The following NT5C2 variants were observed in gnomAD, a reference collection of about 807,000 sequenced individuals.
NT5C2 encodes 5'-nucleotidase, cytosolic II.
A neutral mutation model predicts 76.1 loss-of-function variants in NT5C2; 58 were observed. That is an observed-to-expected ratio of 0.76 (90% CI 0.62 to 0.95). NT5C2 has a LOEUF of 0.95. NT5C2 is among the 40% of genes least tolerant of loss of function. NT5C2 has a pLI of 0.00. For synonymous variants in NT5C2, 229 were observed against 237.4 expected, an observed-to-expected ratio of 0.96 and a Z score of 0.32; for missense variants, 478 against 690.3, an observed-to-expected ratio of 0.69 and a Z score of 3.45.
chr10:103,099,696 C>A (rs1046128100), intron 9 of NT5C2, among the ~76,000 whole-genome samples: 1 of 151,770 alleles, frequency 6.6e-6, no homozygotes, highest in Non-Finnish European at 1.5e-5. Context: ...TTGAGAAATG[C>A]AAACTAAAAT....
chr10:103,189,858 C>CG (rs1283779545), intron 1 of NT5C2, among the ~76,000 whole-genome samples: 1 of 150,964 alleles, frequency 6.6e-6, no homozygotes. Context: ...TTAGTAGAGA[C>CG]GGGGTTTCAC....
intron 4 of NT5C2, among the ~76,000 whole-genome samples, chr10:103,134,664 G>A (rs2078841253): frequency 6.6e-6 from 1 of 152,162 alleles, no homozygotes; most frequent in Non-Finnish European, 1.5e-5. Context: ...TTGGAGCTGT[G>A]AGAAGAGGAT....
At chr10:103,126,101 G>T (rs1203442877) in intron 4 of NT5C2, among the ~76,000 whole-genome samples, 1 of 152,118 alleles carries the variant, frequency 6.6e-6, no homozygotes, top group African/African-American at 2.4e-5. Context: ...CTGGGGTATA[G>T]AAAGTATATA....
At chr10:103,153,484 C>T in intron 3 of NT5C2, 1 of 985,332 alleles carries the variant, frequency 1.0e-6, no homozygotes, top group Non-Finnish European at 1.2e-6. Context: ...ATATCCTCAG[C>T]TTTAAATACT....
At chr10:103,191,156 C>A (rs2092606174) in intron 1 of NT5C2, among the ~76,000 whole-genome samples, 1 of 152,160 alleles carries the variant, frequency 6.6e-6, no homozygotes, top group African/African-American at 2.4e-5. Flanking sequence ...ACTTGGGAGG[C>A]CGAGGCGGGC....
intron 4 of NT5C2, among the ~76,000 whole-genome samples, chr10:103,134,478 A>C (rs1016358221): frequency 6.6e-6 from 1 of 152,218 alleles, no homozygotes; most frequent in African/African-American, 2.4e-5. Context: ...AGAAGTCAAA[A>C]ATTGGGGTTT....
intron 1 of NT5C2, among the ~76,000 whole-genome samples, chr10:103,183,661 CAT>C (rs549131566): frequency 2.0e-5 from 3 of 150,818 alleles, no homozygotes; most frequent in African/African-American, 2.4e-5. Context: ...TACACACACA[CAT>C]ATATATATAC....
intron 3 of NT5C2, among the ~76,000 whole-genome samples, chr10:103,166,890 C>G (rs2086541408): frequency 6.6e-6 from 1 of 152,080 alleles, no homozygotes. Flanking sequence ...TGGCCTCAAG[C>G]CATCTTCCCA....
At chr10:103,164,557 A>G (rs186091546) in intron 3 of NT5C2, among the ~76,000 whole-genome samples, 24 of 152,302 alleles carry the variant, frequency 1.6e-4, no homozygotes, top group Non-Finnish European at 3.4e-4. Context: ...CGCCCGGCCA[A>G]AAACAATGTT....
chr10:103,153,372 A>T, intron 3 of NT5C2: 1 of 1,239,698 alleles, frequency 8.1e-7, no homozygotes, highest in African/African-American at 1.6e-5. Context: ...ATCTCTTGAG[A>T]ACTGTAGCTC....
chr10:103,101,113 A>G lies in NT5C2; in HGVS notation c.482-11T>C. ...CCAACAGGTAGGTCTCTGAAAAATG[A>G]AGAACAGATATTCATAAGCTATAAT... is the stretch of plus-strand genomic sequence containing the variant. On this transcript the variant is annotated splice_polypyrimidine_tract_variant and intron_variant, in intron 7 of 18. Transcript: ENST00000404739. 2 of 1,583,856 alleles carry G rather than the reference A, an allele frequency of 1.3e-6. No homozygotes were observed. Among genetic ancestry groups the G allele is most frequent in the East Asian group, 4.5e-5 (2 of 44,702 alleles).
chr10:103,101,286 G>T lies in NT5C2; in HGVS notation c.430C>A (p.Arg144=). The T allele has an allele frequency of 2.5e-6, 4 of 1,608,722 alleles. No homozygotes were observed. Among genetic ancestry groups the T allele is most frequent in the Non-Finnish European group, 3.4e-6 (4 of 1,175,916 alleles). Residue 144 remains arginine (R), a synonymous_variant, in exon 7 of 19, where the codon CGA becomes AGA. Coordinates refer to ENST00000404739, the MANE Select transcript of NT5C2 (RefSeq NM_001351169.2). Reference sequence around the variant, plus strand: ...ATGTAAAATCTTTCAGTATCATCTCGCTGGATAAATTTATTTGGATACTGT... The same window carrying T: ...ATGTAAAATCTTTCAGTATCATCTCTCTGGATAAATTTATTTGGATACTGT... The part of the protein sequence containing the change: ...REQYPNKFIQ[R]DDTERFYILN...
intron 4 of NT5C2, among the ~76,000 whole-genome samples, chr10:103,117,067 A>C (rs2074521417): frequency 1.3e-5 from 2 of 152,142 alleles, no homozygotes; most frequent in South Asian, 4.1e-4. Flanking sequence ...CACTGAGAAA[A>C]ATTTTTAAAT....
intron 3 of NT5C2, among the ~76,000 whole-genome samples, chr10:103,164,351 G>C (rs948145952): frequency 6.6e-6 from 1 of 152,016 alleles, no homozygotes; most frequent in African/African-American, 2.4e-5. Context: ...TCTGCCTCCT[G>C]GGTTCAAGTG....
chr10:103,171,125 T>C (rs1422908973), intron 3 of NT5C2, among the ~76,000 whole-genome samples: 1 of 152,180 alleles, frequency 6.6e-6, no homozygotes. Flanking sequence ...TTTAATGTTT[T>C]CACTTTTTCA....
intron 4 of NT5C2, among the ~76,000 whole-genome samples, chr10:103,138,329 G>C (rs894998919): frequency 6.6e-6 from 1 of 152,136 alleles, no homozygotes; most frequent in African/African-American, 2.4e-5. Flanking sequence ...AGGTTACATA[G>C]GTATACATGT....
At chr10:103,090,117 A>G in intron 18 of NT5C2, 2 of 449,156 alleles carry the variant, frequency 4.5e-6, no homozygotes, top group South Asian at 6.3e-5. Context: ...CATATTGTCT[A>G]CTGCAGCTGG....
intron 3 of NT5C2, among the ~76,000 whole-genome samples, chr10:103,149,343 T>C (rs2082030332): frequency 6.6e-6 from 1 of 152,186 alleles, no homozygotes; most frequent in African/African-American, 2.4e-5. Flanking sequence ...AAGCACACTT[T>C]AAGGAGATTC....
chr10:103,182,227 TG>T (rs1301010053), intron 1 of NT5C2, among the ~76,000 whole-genome samples: 2 of 152,194 alleles, frequency 1.3e-5, no homozygotes, highest in Non-Finnish European at 2.9e-5. Flanking sequence ...GTTTAACACA[TG>T]GCAATTTGAA....
Sources: allele counts gnomAD v4.1 joint callset (sites outside exome capture counted in the v4.1 genomes callset), GRCh38; gene constraint gnomAD v4.1.1; transcripts MANE v1.5; gene names NCBI Gene and HGNC (gene_info 2026-07-23, HGNC 2026-07-21).